CCDC33: variants seen among roughly 807,000 people sequenced by gnomAD.
The protein encoded by CCDC33 is coiled-coil domain-containing protein 33.
A neutral mutation model predicts 91.9 loss-of-function variants in CCDC33; 94 were observed. That is an observed-to-expected ratio of 1.02 (90% CI 0.87 to 1.21). The LOEUF (loss-of-function observed/expected upper bound fraction) is 1.21, where lower values mean the gene tolerates loss of function less well. Among genes scored for constraint, CCDC33 ranks in the 50% most tolerant of loss-of-function variants. The probability of loss-of-function intolerance (pLI) is 0.00; values close to 1 mark genes in which losing one functional copy is unlikely to be tolerated. For missense variants in CCDC33, 940 were observed against 935.5 expected (o/e 1.00, Z -0.06); for synonymous variants, 396 against 374.5 (o/e 1.06, Z -0.66).
At chr15:74,331,432 A>T in intron 15 of CCDC33, 136 bp downstream of exon 15, 1 of 866,844 alleles carries the variant, frequency 1.2e-6, no homozygotes, top group Non-Finnish European at 1.8e-6. Context: ...TGGGCCTGGG[A>T]GACCCAGGAT....
intron 2 of CCDC33, among the ~76,000 whole-genome samples, chr15:74,246,287 C>T (rs2075527170): frequency 1.3e-5 from 2 of 152,104 alleles, no homozygotes; most frequent in Admixed American, 6.5e-5. Flanking sequence ...GATATGACAC[C>T]GGAAGTACAG....
At chr15:74,269,322 C>T (rs1179364704) in intron 5 of CCDC33, among the ~76,000 whole-genome samples, 1 of 151,340 alleles carries the variant, frequency 6.6e-6, no homozygotes, top group African/African-American at 2.4e-5. Context: ...CCCTACTTCC[C>T]ACCAGCACCG....
At chr15:74,320,173 T>A (rs2060176794) in intron 11 of CCDC33, among the ~76,000 whole-genome samples, 1 of 152,094 alleles carries the variant, frequency 6.6e-6, no homozygotes, top group South Asian at 2.1e-4. Flanking sequence ...CCCACTGCGC[T>A]CTGTTCAGAA....
chr15:74,311,573 G>T (rs2059994331), intron 11 of CCDC33: 2 of 152,230 alleles, frequency 1.3e-5, no homozygotes, highest in Non-Finnish European at 2.9e-5. Context: ...CATGGGAGTT[G>T]CGGGGCATCC....
chr15:74,219,608 A>G (rs1485722935), intron 2 of CCDC33, among the ~76,000 whole-genome samples: 1 of 152,168 alleles, frequency 6.6e-6, no homozygotes, highest in Non-Finnish European at 1.5e-5. Context: ...GCCTGGCAGG[A>G]GAGTTCTGGT....
chr15:74,242,463 G>T (rs1011839802), intron 1 of CCDC33, among the ~76,000 whole-genome samples: 2 of 152,310 alleles, frequency 1.3e-5, no homozygotes, highest in Admixed American at 6.5e-5. Context: ...CCCAACCAGG[G>T]CCTGCCCTGG....
intron 2 of CCDC33, among the ~76,000 whole-genome samples, chr15:74,259,302 G>A (rs1194650833): frequency 2.6e-5 from 4 of 152,074 alleles, no homozygotes; most frequent in Non-Finnish European, 4.4e-5. Flanking sequence ...TGGGAGCCCC[G>A]AGAGAGCCTG....
At chr15:74,203,652 G>A in intron 1 of CCDC33, among the ~76,000 whole-genome samples, 1 of 152,212 alleles carries the variant, frequency 6.6e-6, no homozygotes, top group East Asian at 1.9e-4. Context: ...CACACACTAT[G>A]TGCCAGCACT....
chr15:74,271,867 G>A, intron 6 of CCDC33, 73 bp downstream of exon 6: 1 of 1,279,632 alleles, frequency 7.8e-7, no homozygotes, highest in Admixed American at 1.9e-5. Flanking sequence ...GGCTGTCATT[G>A]CTGCCATGGG....
At chr15:74,273,467 C>T (rs988755873) in intron 7 of CCDC33, among the ~76,000 whole-genome samples, 1 of 152,186 alleles carries the variant, frequency 6.6e-6, no homozygotes, top group African/African-American at 2.4e-5. Context: ...TATTTTAACC[C>T]AGTAAAAAAA....
At position 74,238,695 on chromosome 15, in the gene CCDC33, A is replaced by G. The variant is rs571393412; in HGVS notation, c.21+1955A>G. Among the ~76,000 whole-genome samples, 179 of 152,256 alleles carry G rather than the reference A, an allele frequency of 1.2e-3. 2 individuals carry two copies. Among genetic ancestry groups the G allele is most frequent in the African/African-American group, 4.3e-3 (177 of 41,542 alleles). ...TTTAATGATTTCTGACTTTTGTGTC[A>G]TCTTTTGGAATGCTTCTCTGCTCCA... On this transcript the variant is annotated intron_variant, in intron 1 of 18. Transcript: ENST00000398814.
Position 74,295,740 on chromosome 15 carries a change from C to A in CCDC33, c.1096-14C>A. The A allele has an allele frequency of 6.2e-7, 1 of 1,606,208 alleles. No homozygotes were observed. Among genetic ancestry groups the A allele is most frequent in the South Asian group, 1.1e-5 (1 of 89,720 alleles). ...GGGCCTGTCCTGAAGTTTCTCTGCACCTTCTCTTCTCAGAGACCAGAAAAC... is the reference window on the plus strand; with the variant it reads ...GGGCCTGTCCTGAAGTTTCTCTGCAACTTCTCTTCTCAGAGACCAGAAAAC... On this transcript the variant is annotated splice_polypyrimidine_tract_variant and intron_variant, in intron 10 of 18. Transcript: ENST00000398814.
chr15:74,209,413 G>A (rs1309242151), exon 2 of CCDC33: 4 of 1,535,626 alleles, frequency 2.6e-6, no homozygotes, highest in Admixed American at 2.0e-5. Context: ...TGAATTGCCA[G>A]AGGGGAACCA....
rs1470570655 is a variant in CCDC33 at position 74,276,368 on chromosome 15, G to A, written c.759+3477G>A. Among the ~76,000 whole-genome samples, 3 of 152,136 alleles carry A rather than the reference G, an allele frequency of 2.0e-5. No homozygotes were observed. The East Asian group carries it at 5.8e-4, about 29-fold the overall frequency. ...ACTCCTACCCCGGCACCTTGGAAGG[G>A]GCCCATTGCCCAACAGGCTGCTCCT... On this transcript the variant is annotated intron_variant, in intron 7 of 18. Coordinates refer to ENST00000398814, the MANE Select transcript of CCDC33 (RefSeq NM_025055.5).
chr15:74,321,983 G>T (rs1223595295), intron 11 of CCDC33, among the ~76,000 whole-genome samples: 1 of 152,124 alleles, frequency 6.6e-6, no homozygotes, highest in African/African-American at 2.4e-5. Flanking sequence ...AGGTAGGGAA[G>T]GCTTTGAAGA....
Position 74,286,309 on chromosome 15 carries a change from CA to C in CCDC33, c.1095+4461del, listed in dbSNP as rs1201438180. Among the ~76,000 whole-genome samples the C allele has an allele frequency of 1.4e-4, 21 of 152,310 alleles. No homozygotes were observed. In the East Asian group the frequency reaches 3.9e-3, roughly 28 times the overall value. On this transcript the variant is annotated intron_variant, in intron 10 of 18. Coordinates refer to ENST00000398814, the MANE Select transcript of CCDC33 (RefSeq NM_025055.5). ...TATGGCTACTCCACATACACACACACACAGAAACCTTTGGTCTCCTCCATTC... is the reference window on the plus strand; with the variant it reads ...TATGGCTACTCCACATACACACACACCAGAAACCTTTGGTCTCCTCCATTC...
Position 74,218,643 on chromosome 15 carries a change from A to G in CCDC33, c.457A>G (p.Lys153Glu), listed in dbSNP as rs796318529. 72 of 1,289,792 alleles carry G rather than the reference A, an allele frequency of 5.6e-5. 1 individual carries two copies. The highest frequency in any genetic ancestry group is 4.7e-4 in the African/African-American group (31 of 65,970). 79.9% of individuals were successfully genotyped at this position (1,289,792 alleles called of 1,614,324 possible). A position where few individuals can be genotyped will look rare whatever the true frequency, so the allele number is the denominator to read the frequency against. The change falls in exon 2 of 3, where the codon AAG becomes GAG. Residue 153 changes from lysine to glutamate, a missense_variant. Coordinates refer to the CCDC33 transcript ENST00000635913. The surrounding 1 kb of genome is among the most constrained non-coding windows in gnomAD (Gnocchi z 4.8). ...GCCAGACCAACCCCGCATGAACCCA[A>G]AGGCTCAGGATCACGAGGACCTGTA...
intron 11 of CCDC33, among the ~76,000 whole-genome samples, chr15:74,312,175 C>T (rs1188060014): frequency 2.0e-5 from 3 of 152,230 alleles, no homozygotes; most frequent in African/African-American, 7.2e-5. Flanking sequence ...AGCTTATGTT[C>T]CCCTTGTTCC....
At chr15:74,208,123 G>C in intron 1 of CCDC33, 1 of 1,052,230 alleles carries the variant, frequency 9.5e-7, no homozygotes, top group Non-Finnish European at 1.2e-6. Flanking sequence ...GTAGCCGGCT[G>C]TGCCAGGGGA....
Sources: allele counts gnomAD v4.1 joint callset (sites outside exome capture counted in the v4.1 genomes callset), GRCh38; gene constraint gnomAD v4.1.1; non-coding constraint Gnocchi (gnomAD v3.1); transcripts MANE v1.5; gene names NCBI Gene and HGNC (gene_info 2026-07-23, HGNC 2026-07-21).